SLC25A13: variants seen among roughly 807,000 people sequenced by gnomAD.
SLC25A13 encodes electrogenic aspartate/glutamate antiporter SLC25A13, mitochondrial.
A neutral mutation model predicts 85.5 loss-of-function variants in SLC25A13; 70 were observed. That is an observed-to-expected ratio of 0.82 (90% CI 0.68 to 1.00). The LOEUF is 1.00. Ranked by LOEUF, SLC25A13 falls within the 50% of genes least tolerant of loss-of-function variation. The probability of loss-of-function intolerance (pLI) is 0.00; values close to 1 mark genes in which losing one functional copy is unlikely to be tolerated. For synonymous variants in SLC25A13, 259 were observed against 288.7 expected, an observed-to-expected ratio of 0.90 and a Z score of 1.04; for missense variants, 765 against 819.8, an observed-to-expected ratio of 0.93 and a Z score of 0.82.
At chr7:96,284,580 T>C (rs1007495999) in intron 2 of SLC25A13, among the ~76,000 whole-genome samples, 1 of 152,222 alleles carries the variant, frequency 6.6e-6, no homozygotes, top group Non-Finnish European at 1.5e-5. Flanking sequence ...TCTAAACAGT[T>C]GACATGGTTT....
At chr7:96,245,550 A>G (rs912474341) in intron 3 of SLC25A13, among the ~76,000 whole-genome samples, 1 of 152,254 alleles carries the variant, frequency 6.6e-6, no homozygotes, top group African/African-American at 2.4e-5. Flanking sequence ...AAAACCCCGA[A>G]AAGCTATCTT....
rs769565327 is a variant in SLC25A13 at position 96,193,124 on chromosome 7, C to G, written c.528G>C (p.Gly176=). The change falls in exon 6 of 18, where the codon GGG becomes GGC. Residue 176 remains glycine (G), a synonymous_variant. Coordinates refer to ENST00000265631, the MANE Select transcript of SLC25A13 (RefSeq NM_014251.3). ...AFVQRDNART[G]RVTAIDFRDI... is the part of the protein sequence containing the mutation. ...CTCGGAAGTCGATGGCTGTGACTCTCCCAGTCCTAGCATTGTCCCGTTGCA... is the reference window on the plus strand; with the variant it reads ...CTCGGAAGTCGATGGCTGTGACTCTGCCAGTCCTAGCATTGTCCCGTTGCA... The G allele has an allele frequency of 4.3e-6, 7 of 1,614,096 alleles. No homozygotes were observed. Among genetic ancestry groups the G allele is most frequent in the Non-Finnish European group, 1.7e-6 (2 of 1,179,984 alleles).
chr7:96,185,182 TAAA>T (rs1211408919), intron 9 of SLC25A13, among the ~76,000 whole-genome samples, 171 bp from the exon 10 acceptor site: 1 of 152,224 alleles, frequency 6.6e-6, no homozygotes, highest in Non-Finnish European at 1.5e-5. Context: ...TTCTTATTAA[TAAA>T]AAGATTTTAG....
chr7:96,288,259 G>A (rs139049915), intron 2 of SLC25A13, among the ~76,000 whole-genome samples: 61 of 152,276 alleles, frequency 4.0e-4, no homozygotes, highest in African/African-American at 1.2e-3. Flanking sequence ...GGGGAAACCC[G>A]TCTCTACTAA....
chr7:96,255,569 C>T (rs1281289043), intron 3 of SLC25A13, among the ~76,000 whole-genome samples: 1 of 152,096 alleles, frequency 6.6e-6, no homozygotes, highest in Non-Finnish European at 1.5e-5. Context: ...TGCTTGTGGT[C>T]CCAGCAACTC....
intron 1 of SLC25A13, 107 bp downstream of exon 1, chr7:96,321,835 T>G: frequency 3.7e-6 from 5 of 1,355,002 alleles, no homozygotes; most frequent in Non-Finnish European, 4.9e-6. Context: ...CGGCACCCCA[T>G]TTTGCTCCGC....
chr7:96,144,757 A>C (rs1792708901), intron 14 of SLC25A13, among the ~76,000 whole-genome samples: 2 of 152,214 alleles, frequency 1.3e-5, no homozygotes, highest in South Asian at 4.1e-4. Flanking sequence ...AGATTATTAA[A>C]TAATGTGAAG....
intron 14 of SLC25A13, among the ~76,000 whole-genome samples, chr7:96,140,882 G>A (rs1363760054): frequency 6.6e-6 from 1 of 151,568 alleles, no homozygotes; most frequent in Non-Finnish European, 1.5e-5. Flanking sequence ...ACATACATAC[G>A]TGTTGGCCAT....
chr7:96,208,962 A>C lies in SLC25A13; in HGVS notation c.344T>G (p.Val115Gly). 1.2e-6 allele frequency: 2 copies of C among 1,614,112 alleles called. No individual in the cohort carries two copies. The highest frequency in any genetic ancestry group is 2.2e-5 in the South Asian group (2 of 91,078). The change falls in exon 5 of 18, where the codon GTT becomes GGT. Residue 115 changes from valine (V) to glycine (G), a missense_variant. Physicochemically the swap from Val to Gly is moderately radical, Grantham distance 109. Transcript: ENST00000265631. Reference protein sequence around the residue: ...GEVTFEDVKQVFGQTTIHQHI... With the variant: ...GEVTFEDVKQGFGQTTIHQHI... ...TTGATGAATTGTGGTCTGTCCAAAA[A>C]CTTGCTTAACATCCTCTGAAAAGAG...
intron 15 of SLC25A13, among the ~76,000 whole-genome samples, chr7:96,122,563 G>C (rs886326491): frequency 6.6e-6 from 1 of 152,132 alleles, no homozygotes; most frequent in Non-Finnish European, 1.5e-5. Context: ...TGTGTGTTGG[G>C]GGGTGGGAGG....
At chr7:96,309,631 A>C (rs1799880283) in intron 1 of SLC25A13, 1 of 152,200 alleles carries the variant, frequency 6.6e-6, no homozygotes, top group South Asian at 2.1e-4. Flanking sequence ...AATGCTATGC[A>C]ACAGTTACTC....
chr7:96,125,430 G>C (rs1436436251), intron 15 of SLC25A13, among the ~76,000 whole-genome samples: 1 of 152,074 alleles, frequency 6.6e-6, no homozygotes, highest in Non-Finnish European at 1.5e-5. Flanking sequence ...GAAGGTCTGT[G>C]GGGAAGAAAG....
intron 3 of SLC25A13, among the ~76,000 whole-genome samples, chr7:96,236,241 A>G (rs1320080910): frequency 6.6e-6 from 1 of 152,174 alleles, no homozygotes; most frequent in Non-Finnish European, 1.5e-5. Context: ...GGGAACACTC[A>G]GGAAGAGCAT....
chr7:96,229,763 G>A (rs866692893), intron 4 of SLC25A13, among the ~76,000 whole-genome samples: 12 of 152,024 alleles, frequency 7.9e-5, no homozygotes, highest in South Asian at 2.1e-4. Flanking sequence ...TGAAGCCAGC[G>A]AGACCACGAA....
rs1793677912 is a variant in SLC25A13 at position 96,164,764 on chromosome 7, C to T, written c.1311+5281G>A. Among the ~76,000 whole-genome samples the T allele has an allele frequency of 7.4e-5, 9 of 122,390 alleles. No individual in the cohort carries two copies. In the South Asian group the frequency reaches 2.7e-3, roughly 37 times the overall value. The allele number at this position is 122,390 out of a possible 152,430, so 80.3% of individuals were successfully genotyped here. ...CACACACAAAAGAAGCAGCAGCATC[C>T]CTGTTGGCAATTCTCAAAAATTAGA... On this transcript the variant is annotated intron_variant, in intron 13 of 17. Transcript: ENST00000265631.
At chr7:96,305,463 T>C (rs1237925432) in intron 1 of SLC25A13, among the ~76,000 whole-genome samples, 1 of 152,214 alleles carries the variant, frequency 6.6e-6, no homozygotes, top group Non-Finnish European at 1.5e-5. Flanking sequence ...CAGTCTCAAT[T>C]TTTGTAAGCA....
intron 4 of SLC25A13, among the ~76,000 whole-genome samples, chr7:96,217,284 A>G (rs1795933863): frequency 6.6e-6 from 1 of 152,232 alleles, no homozygotes; most frequent in African/African-American, 2.4e-5. Flanking sequence ...GTGGGAATAT[A>G]TTTAAGAAAA....
chr7:96,165,988 T>C (rs1393138483), intron 13 of SLC25A13, among the ~76,000 whole-genome samples: 1 of 152,266 alleles, frequency 6.6e-6, no homozygotes, highest in Non-Finnish European at 1.5e-5. Context: ...ACATCATGCA[T>C]ATGGGAATCA....
At chr7:96,223,999 A>G (rs1796235349) in intron 4 of SLC25A13, among the ~76,000 whole-genome samples, 1 of 152,028 alleles carries the variant, frequency 6.6e-6, no homozygotes, top group Non-Finnish European at 1.5e-5. Context: ...CCACACAGGT[A>G]CTCTTTCTTA....
Sources: gnomAD v4.1 joint callset for allele counts (sites outside exome capture counted in the v4.1 genomes callset) on GRCh38, gnomAD v4.1.1 for gene constraint, MANE v1.5 for transcripts, NCBI Gene and HGNC (gene_info 2026-07-23, HGNC 2026-07-21) for gene names.